TNRC6C: variants seen among roughly 807,000 people sequenced by gnomAD.
TNRC6C encodes trinucleotide repeat-containing gene 6C protein.
TNRC6C carries 20 observed loss-of-function variants against 153.7 expected under a neutral mutation model. The ratio of observed to expected loss-of-function variants is 0.13; its 90% CI spans 0.09 to 0.19. TNRC6C has a LOEUF of 0.19. TNRC6C is among the 10% of genes least tolerant of loss of function. TNRC6C has a pLI of 1.00. For missense variants in TNRC6C, 1,987 were observed against 2,172.0 expected, an observed-to-expected ratio of 0.91 and a Z score of 1.69; for synonymous variants, 811 against 841.4, an observed-to-expected ratio of 0.96 and a Z score of 0.63.
intron 1 of TNRC6C, among the ~76,000 whole-genome samples, chr17:77,975,353 T>C (rs895217001): frequency 6.6e-6 from 1 of 152,106 alleles, no homozygotes; most frequent in African/African-American, 2.4e-5. Context: ...ACAGCCACAG[T>C]CAAGATAATG....
intron 15 of TNRC6C, chr17:78,093,345 T>C: frequency 1.5e-6 from 1 of 667,876 alleles, no homozygotes; most frequent in South Asian, 2.0e-5. Context: ...GCATGAGGAG[T>C]GGAAGGGGTG....
At chr17:78,085,983 C>G (rs1479512575) in intron 11 of TNRC6C, among the ~76,000 whole-genome samples, 4 of 151,896 alleles carry the variant, frequency 2.6e-5, no homozygotes, top group Non-Finnish European at 5.9e-5. Flanking sequence ...GTTCTGCGCA[C>G]TAAAAAAGTG....
chr17:77,966,822 T>C (rs192262751), intron 1 of TNRC6C, among the ~76,000 whole-genome samples: 2 of 152,336 alleles, frequency 1.3e-5, no homozygotes, highest in African/African-American at 4.8e-5. Context: ...CTAGATCTTA[T>C]ATAACAGTCC....
upstream of TNRC6C, among the ~76,000 whole-genome samples, chr17:78,003,895 A>G (rs144486828): frequency 7.5e-4 from 114 of 152,300 alleles, no homozygotes; most frequent in African/African-American, 2.5e-3. Flanking sequence ...TAGGAGCTGT[A>G]TCTTACTCCA....
intron 1 of TNRC6C, among the ~76,000 whole-genome samples, chr17:78,027,028 T>C (rs2071954998): frequency 6.6e-6 from 1 of 152,038 alleles, no homozygotes; most frequent in African/African-American, 2.4e-5. Flanking sequence ...GTATCAAGTA[T>C]AAAAGAGTGG....
At chr17:78,097,046 T>G (rs1477857317) in intron 16 of TNRC6C, among the ~76,000 whole-genome samples, 1 of 152,124 alleles carries the variant, frequency 6.6e-6, no homozygotes, top group East Asian at 1.9e-4. Context: ...TAATTATTCC[T>G]GTATTTAAAA....
At chr17:77,991,730 A>C (rs1289223635) in intron 1 of TNRC6C, among the ~76,000 whole-genome samples, 1 of 152,190 alleles carries the variant, frequency 6.6e-6, no homozygotes. Flanking sequence ...AATTGTTTTG[A>C]TTATCCTCTT....
intron 13 of TNRC6C, among the ~76,000 whole-genome samples, chr17:78,088,959 CTTTTTTTTTTTT>C (rs59304499): frequency 2.3e-5 from 2 of 86,698 alleles, no homozygotes; most frequent in East Asian, 3.2e-4. Flanking sequence ...CTTATCGTTA[CTTTTTTTTTTTT>C]TTTTTTTTTT....
chr17:77,968,237 T>C (rs2070913734), intron 1 of TNRC6C, among the ~76,000 whole-genome samples: 1 of 151,930 alleles, frequency 6.6e-6, no homozygotes, highest in Non-Finnish European at 1.5e-5. Context: ...TTTCACCATG[T>C]TGGCCAGGCT....
upstream of TNRC6C, among the ~76,000 whole-genome samples, chr17:78,003,778 G>A (rs2071450160): frequency 6.6e-6 from 1 of 152,176 alleles, no homozygotes; most frequent in South Asian, 2.1e-4. Flanking sequence ...AAAAAATAAA[G>A]CATGGCCAGG....
At chr17:78,085,940 A>G (rs1224596128) in intron 11 of TNRC6C, among the ~76,000 whole-genome samples, 1 of 152,080 alleles carries the variant, frequency 6.6e-6, no homozygotes, top group East Asian at 1.9e-4. Context: ...CATCACCAAC[A>G]CTAAACAGGT....
At chr17:78,000,418 GT>G (rs1284165316), upstream of TNRC6C, among the ~76,000 whole-genome samples, 1 of 152,102 alleles carries the variant, frequency 6.6e-6, no homozygotes, top group African/African-American at 2.4e-5. Context: ...TCAAATACAT[GT>G]TGAATAAATT....
intron 2 of TNRC6C, among the ~76,000 whole-genome samples, chr17:78,047,876 TAA>T (rs1269985946): frequency 6.6e-6 from 1 of 152,214 alleles, no homozygotes; most frequent in African/African-American, 2.4e-5. Flanking sequence ...GATCGAAATA[TAA>T]GTTTGACTGC....
At chr17:78,093,983 T>C (rs1428816252) in intron 16 of TNRC6C, among the ~76,000 whole-genome samples, 1 of 104,392 alleles carries the variant, frequency 9.6e-6, no homozygotes, top group African/African-American at 5.0e-5. Flanking sequence ...TTATTATTAC[T>C]TTTTTTTTTT....
At chr17:78,063,755 A>T (rs887866443) in intron 3 of TNRC6C, among the ~76,000 whole-genome samples, 1 of 152,176 alleles carries the variant, frequency 6.6e-6, no homozygotes, top group Admixed American at 6.5e-5. Context: ...TTAATCTGCC[A>T]TCTTCTCATT....
At chr17:78,018,099 A>G (rs957201595) in intron 1 of TNRC6C, among the ~76,000 whole-genome samples, 12 of 152,142 alleles carry the variant, frequency 7.9e-5, no homozygotes, top group African/African-American at 2.9e-4. Flanking sequence ...GTGTGTATAT[A>G]TATGGTTTTT....
intron 1 of TNRC6C, among the ~76,000 whole-genome samples, chr17:77,991,039 T>C (rs1317921615): frequency 6.6e-6 from 1 of 152,226 alleles, no homozygotes; most frequent in Non-Finnish European, 1.5e-5. Flanking sequence ...TATTCGAAGG[T>C]AGATTAGGTA....
chr17:77,987,525 A>G (rs878930491), intron 1 of TNRC6C, among the ~76,000 whole-genome samples: 2 of 152,232 alleles, frequency 1.3e-5, no homozygotes, highest in African/African-American at 2.4e-5. Flanking sequence ...ATAATCACCA[A>G]TACAGAACAA....
chr17:77,977,354 T>TA (rs1330732601), intron 1 of TNRC6C, among the ~76,000 whole-genome samples: 1 of 152,198 alleles, frequency 6.6e-6, no homozygotes, highest in Non-Finnish European at 1.5e-5. Context: ...ATGGGGAAAA[T>TA]ATGAAGAGCA....
Sources: allele counts gnomAD v4.1 joint callset (sites outside exome capture counted in the v4.1 genomes callset), GRCh38; gene constraint gnomAD v4.1.1; transcripts MANE v1.5; gene names NCBI Gene and HGNC (gene_info 2026-07-23, HGNC 2026-07-21).